The following PSD3 variants were observed in gnomAD, a reference collection of about 807,000 sequenced individuals.
PSD3 encodes the protein PH and SEC7 domain-containing protein 3.
Under a neutral mutation model 105.5 loss-of-function variants are expected in PSD3, and 49 were observed. The ratio of observed to expected loss-of-function variants is 0.46; its 90% CI spans 0.37 to 0.59. The LOEUF (loss-of-function observed/expected upper bound fraction) is 0.59, where lower values mean the gene tolerates loss of function less well. Among genes scored for constraint, PSD3 ranks in the 20% least tolerant of loss-of-function variants. The pLI, the probability that PSD3 is intolerant of heterozygous loss-of-function variation, is 0.00. For synonymous variants in PSD3, 557 were observed against 457.8 expected (o/e 1.22, Z -2.77); for missense variants, 1,561 against 1,263.8 (o/e 1.24, Z -3.57).
At chr8:18,966,144 G>A (rs1418657901) in intron 1 of PSD3, among the ~76,000 whole-genome samples, 1 of 152,172 alleles carries the variant, frequency 6.6e-6, no homozygotes, top group Non-Finnish European at 1.5e-5. Context: ...GACTATACCA[G>A]GCTATTTGAA....
intron 12 of PSD3, among the ~76,000 whole-genome samples, chr8:18,587,236 A>G (rs1440218020): frequency 6.6e-6 from 1 of 152,144 alleles, no homozygotes; most frequent in Non-Finnish European, 1.5e-5. Context: ...GCTGCTTAGC[A>G]TGGGGGACAC....
intron 11 of PSD3, among the ~76,000 whole-genome samples, chr8:18,616,498 G>T (rs13255215): frequency 0.32 from 48,742 of 151,816 alleles, 8,104 homozygotes; most frequent in Middle Eastern, 0.46. Flanking sequence ...ATCTTTAAGG[G>T]TCTGAAAGAA....
At chr8:19,072,315 G>C (rs989762953) in intron 1 of PSD3, among the ~76,000 whole-genome samples, 3 of 151,766 alleles carry the variant, frequency 2.0e-5, no homozygotes, top group Admixed American at 2.0e-4. Context: ...TCGAACTCCT[G>C]AGCTCACGTG....
chr8:18,983,624 GC>G (rs1167481858), intron 1 of PSD3, among the ~76,000 whole-genome samples: 1 of 152,132 alleles, frequency 6.6e-6, no homozygotes, highest in Non-Finnish European at 1.5e-5. Flanking sequence ...TCGTGGAGCA[GC>G]CAAAACATAC....
At chr8:18,796,513 G>A (rs370406232) in intron 8 of PSD3, among the ~76,000 whole-genome samples, 4 of 152,306 alleles carry the variant, frequency 2.6e-5, no homozygotes, top group African/African-American at 7.2e-5. Context: ...TTAGCTAAAT[G>A]TAAGTAAAAT....
intron 8 of PSD3, among the ~76,000 whole-genome samples, chr8:18,796,159 C>G (rs1026607577): frequency 6.1e-5 from 8 of 130,128 alleles, no homozygotes; most frequent in African/African-American, 1.5e-4. Flanking sequence ...AAAGCAGGTA[C>G]TGAATTCTCC....
rs754799187 is a variant in PSD3 at position 18,867,835 on chromosome 8, C to T, written c.1473G>A (p.Gln491=). The change falls in exon 4 of 16, where the codon CAG becomes CAA. Residue 491 remains glutamine, a synonymous_variant. Coordinates refer to ENST00000327040, the MANE Select transcript of PSD3 (RefSeq NM_015310.4). ...CTCCCCCTGATGTCCTCTCCAAGAA[C>T]TGACCACCTTCTTTAATGCGCTGTT... The part of the protein sequence containing the change: ...MIQQRIKEGG[Q]FLERTSGGGH... The T allele has an allele frequency of 1.9e-6, 3 of 1,614,194 alleles. No individual in the cohort carries two copies. In the South Asian group the frequency reaches 3.3e-5, roughly 18 times the overall value.
At chr8:18,658,830 C>T (rs927352615) in intron 9 of PSD3, among the ~76,000 whole-genome samples, 79 of 152,132 alleles carry the variant, frequency 5.2e-4, no homozygotes, top group African/African-American at 1.7e-3. Context: ...GCTCTAGTAG[C>T]CTCAGGGATC....
intron 8 of PSD3, among the ~76,000 whole-genome samples, chr8:18,772,789 C>G (rs1372437267): frequency 6.6e-6 from 1 of 152,148 alleles, no homozygotes; most frequent in Non-Finnish European, 1.5e-5. Flanking sequence ...GGATTACAGG[C>G]ATGAGCCACT....
chr8:18,988,382 A>G (rs1434887078), intron 1 of PSD3, among the ~76,000 whole-genome samples: 1 of 152,200 alleles, frequency 6.6e-6, no homozygotes, highest in Non-Finnish European at 1.5e-5. Context: ...GTAACAGATG[A>G]AAATGAGACA....
chr8:18,719,765 A>C (rs1239117844), intron 9 of PSD3, among the ~76,000 whole-genome samples: 1 of 152,168 alleles, frequency 6.6e-6, no homozygotes, highest in Non-Finnish European at 1.5e-5. Flanking sequence ...CAAGTTACCT[A>C]AATCTATTCT....
At chr8:19,080,722 C>T (rs564196761) in intron 1 of PSD3, among the ~76,000 whole-genome samples, 5 of 152,116 alleles carry the variant, frequency 3.3e-5, no homozygotes, top group South Asian at 2.1e-4. Context: ...TGAGGACCAA[C>T]GGTGAGGTAG....
Position 18,745,874 on chromosome 8 carries a change from T to G in PSD3, c.2172+19575A>C, listed in dbSNP as rs145130137. Among the ~76,000 whole-genome samples the G allele has an allele frequency of 2.8e-3, 421 of 152,330 alleles. 1 individual carries two copies. The highest frequency in any genetic ancestry group is 0.014 in the Middle Eastern group (4 of 294). ...GGGTTCCTTATTCATAATTTCTTTC[T>G]CCCATAGAGAGAAAACTGCCTCTTA... On this transcript the variant is annotated intron_variant, in intron 9 of 15. Transcript: ENST00000327040.
intron 9 of PSD3, among the ~76,000 whole-genome samples, chr8:18,757,457 C>G (rs1806148929): frequency 6.6e-6 from 1 of 151,204 alleles, no homozygotes; most frequent in Admixed American, 6.7e-5. Flanking sequence ...AGGCAAGACT[C>G]CGTTGCAAAC....
chr8:18,639,923 G>A (rs755141936), intron 10 of PSD3, among the ~76,000 whole-genome samples: 49 of 152,140 alleles, frequency 3.2e-4, no homozygotes, highest in Non-Finnish European at 4.7e-4. Context: ...CTGTGATCCT[G>A]AATAAGCTGC....
At chr8:18,672,515 T>C (rs989397757) in intron 9 of PSD3, among the ~76,000 whole-genome samples, 61 of 152,220 alleles carry the variant, frequency 4.0e-4, no homozygotes, top group African/African-American at 1.4e-3. Context: ...ACCCAGTGGA[T>C]AGCAGGCTTC....
At chr8:18,572,082 G>A (rs1802177558) in intron 14 of PSD3, among the ~76,000 whole-genome samples, 1 of 152,114 alleles carries the variant, frequency 6.6e-6, no homozygotes, top group Non-Finnish European at 1.5e-5. Flanking sequence ...TGAGGGGTAG[G>A]GCAGGCCATT....
chr8:18,813,785 C>G (rs1184181921), intron 4 of PSD3, among the ~76,000 whole-genome samples: 1 of 152,122 alleles, frequency 6.6e-6, no homozygotes, highest in Non-Finnish European at 1.5e-5. Flanking sequence ...AGCTATAAAA[C>G]AGATAATAGT....
intron 8 of PSD3, chr8:18,799,086 C>A (rs1024508743): frequency 6.2e-5 from 32 of 518,994 alleles, no homozygotes; most frequent in Admixed American, 9.7e-5. Flanking sequence ...CAACTCCAGA[C>A]ACCAGGACGA....
Sources: allele counts gnomAD v4.1 joint callset (sites outside exome capture counted in the v4.1 genomes callset), GRCh38; gene constraint gnomAD v4.1.1; transcripts MANE v1.5; gene names NCBI Gene and HGNC (gene_info 2026-07-23, HGNC 2026-07-21).